The following PARG variants were observed in gnomAD, a reference collection of about 807,000 sequenced individuals.
PARG encodes mitochondrial poly(ADP-ribose) glycohydrolase.
PARG carries 35 observed loss-of-function variants against 113.0 expected under a neutral mutation model. The ratio of observed to expected loss-of-function variants is 0.31; its 90% CI spans 0.24 to 0.41. PARG has a LOEUF of 0.41. Ranked by LOEUF, PARG falls within the 10% of genes least tolerant of loss-of-function variation. PARG has a pLI of 1.00. For missense variants in PARG, 797 were observed against 1,169.4 expected (o/e 0.68, Z 4.64); for synonymous variants, 330 against 409.9 (o/e 0.81, Z 2.36).
rs2133034074 is a variant in PARG, at chr10:49,942,025, A to G, written c.-300T>C. On this transcript the variant is annotated 5_prime_UTR_variant, in exon 1 of 18. Transcript: ENST00000616448. ...GGCGCTTCCGGCTTCCGGGGCGCAC[A>G]CTGCCGCAAAGCGGAAGTGTGGCGC... is the stretch of plus-strand genomic sequence containing the variant. The G allele has an allele frequency of 9.6e-7, 1 of 1,041,814 alleles. No homozygotes were observed. The highest frequency in any genetic ancestry group is 2.6e-5 in the East Asian group (1 of 38,284). 64.5% of individuals were successfully genotyped at this position (1,041,814 alleles called of 1,614,324 possible).
chr10:49,831,459 G>A (rs1554830243), intron 16 of PARG, among the ~76,000 whole-genome samples: 3 of 152,140 alleles, frequency 2.0e-5, no homozygotes, highest in African/African-American at 7.2e-5. Flanking sequence ...TGGGTTCCTG[G>A]TAAAAGCTTC....
At chr10:49,924,953 G>A (rs2132918802) in intron 4 of PARG, among the ~76,000 whole-genome samples, 1 of 152,332 alleles carries the variant, frequency 6.6e-6, no homozygotes, top group Admixed American at 6.5e-5. Context: ...TGCATAGCAG[G>A]AGGTGAGCAA....
chr10:49,865,247 A>G (rs1312571742), intron 11 of PARG, 74 bp downstream of exon 11: 1 of 623,358 alleles, frequency 1.6e-6, no homozygotes, highest in Non-Finnish European at 2.9e-6. Flanking sequence ...GGTGCTATAA[A>G]ATAGAATCCT....
chr10:49,897,638 T>G (rs552514993), intron 7 of PARG, among the ~76,000 whole-genome samples: 1 of 152,320 alleles, frequency 6.6e-6, no homozygotes, highest in South Asian at 2.1e-4. Context: ...CTTCAAAGTA[T>G]CCTTGCAAGA....
At chr10:49,878,572 T>G (rs1847060346) in intron 9 of PARG, among the ~76,000 whole-genome samples, 1 of 141,114 alleles carries the variant, frequency 7.1e-6, no homozygotes, top group Non-Finnish European at 1.6e-5. Flanking sequence ...TGGCCAAGAT[T>G]GCACCACTGC....
rs535745626 is a variant in PARG, at chr10:49,824,712, C to T, written c.2648-4419G>A. On this transcript the variant is annotated intron_variant, in intron 16 of 17. Transcript: ENST00000616448. ...CTCTTATAGCATGCTGAACACTGTT[C>T]TAGGAGCTTTACAAATACTACCTCG... 3.3e-5 allele frequency among the ~76,000 whole-genome samples: 5 copies of T among 152,142 alleles called. No homozygotes were observed. The South Asian group carries it at 1.0e-3, about 32-fold the overall frequency.
At chr10:49,830,977 C>A (rs1307005779) in intron 16 of PARG, among the ~76,000 whole-genome samples, 1 of 152,108 alleles carries the variant, frequency 6.6e-6, no homozygotes, top group Non-Finnish European at 1.5e-5. Flanking sequence ...TACATATGTG[C>A]ATACAACAGA....
chr10:49,821,722 T>G (rs1223387676), intron 16 of PARG, among the ~76,000 whole-genome samples: 10 of 152,184 alleles, frequency 6.6e-5, no homozygotes, highest in Admixed American at 5.2e-4. Context: ...GACAGCATGT[T>G]AATATTCTAC....
chr10:49,908,258 A>G (rs1358255980), intron 7 of PARG, among the ~76,000 whole-genome samples: 1 of 152,216 alleles, frequency 6.6e-6, no homozygotes, highest in East Asian at 1.9e-4. Context: ...GAAATCATAA[A>G]TCATAAATAT....
At chr10:49,917,216 C>T (rs771815895) in intron 6 of PARG, among the ~76,000 whole-genome samples, 3 of 152,078 alleles carry the variant, frequency 2.0e-5, no homozygotes, top group Admixed American at 1.3e-4. Flanking sequence ...TTAGGCTGGA[C>T]GCAGTGGCTC....
At chr10:49,842,207 G>A (rs1172373967) in intron 14 of PARG, 149 bp from the exon 15 acceptor site, 1 of 615,714 alleles carries the variant, frequency 1.6e-6, no homozygotes, top group East Asian at 2.8e-5. Flanking sequence ...GGAAAGGAAA[G>A]GAAACACCCT....
rs11101244 is a variant in PARG at position 49,893,788 on chromosome 10, A to G, written c.1738-8493T>C. The stretch of plus-strand genomic sequence containing the variant: ...GGCTCACTGCAAGCTCCGCCTCCCA[A>G]GTTCACGCCATTCTCCTGCCTCAGG... On this transcript the variant is annotated intron_variant, in intron 7 of 17. Transcript: ENST00000616448. Among the ~76,000 whole-genome samples, 1,236 of 151,578 alleles carry G rather than the reference A, an allele frequency of 8.2e-3. 3 individuals carry two copies. The highest frequency in any genetic ancestry group is 0.022 in the African/African-American group (927 of 41,246).
At chr10:49,912,171 A>G (rs1837224054) in intron 7 of PARG, among the ~76,000 whole-genome samples, 2 of 151,998 alleles carry the variant, frequency 1.3e-5, no homozygotes, top group African/African-American at 4.8e-5. Flanking sequence ...GTGGTGGTGC[A>G]TGCCTGTAGT....
intron 8 of PARG, among the ~76,000 whole-genome samples, chr10:49,884,799 G>A (rs2132649640): frequency 7.0e-6 from 1 of 142,754 alleles, no homozygotes; most frequent in East Asian, 2.0e-4. Context: ...GAAGGAGTGG[G>A]TCGTATTAAG....
intron 7 of PARG, among the ~76,000 whole-genome samples, chr10:49,913,885 AGAGT>A (rs1554846929): frequency 6.6e-6 from 1 of 152,176 alleles, no homozygotes; most frequent in African/African-American, 2.4e-5. Flanking sequence ...CCTGGGTGAC[AGAGT>A]GAGACTCCAT....
intron 7 of PARG, among the ~76,000 whole-genome samples, chr10:49,893,340 G>A (rs1174961033): frequency 7.9e-5 from 12 of 152,082 alleles, no homozygotes; most frequent in African/African-American, 2.7e-4. Context: ...ATTTTTTAAT[G>A]TGCTTATTGG....
chr10:49,857,713 T>A (rs1826694853), intron 12 of PARG, among the ~76,000 whole-genome samples: 1 of 151,932 alleles, frequency 6.6e-6, no homozygotes, highest in Non-Finnish European at 1.5e-5. Context: ...ATATTATGTA[T>A]CATACAGACT....
chr10:49,820,993 C>T (rs1386893328), intron 16 of PARG, among the ~76,000 whole-genome samples: 2 of 152,116 alleles, frequency 1.3e-5, no homozygotes, highest in Non-Finnish European at 1.5e-5. Context: ...TGTATAGGCA[C>T]ATTTGGGAGG....
rs1471811114 is a variant in PARG at position 49,852,499 on chromosome 10, AATGAC to A, written c.2353+4802_2353+4806del. On this transcript the variant is annotated intron_variant, in intron 13 of 17. Transcript: ENST00000616448. ...ACATTCCTGTTTTATTCCCAAGGAA[AATGAC>A]ATCCTTTATTTACATTAACATTAAT... 4.6e-5 allele frequency among the ~76,000 whole-genome samples: 7 copies of A among 151,128 alleles called. No homozygotes were observed. In the South Asian group the frequency reaches 1.1e-3, roughly 23 times the overall value.
Sources: allele counts gnomAD v4.1 joint callset (sites outside exome capture counted in the v4.1 genomes callset), GRCh38; gene constraint gnomAD v4.1.1; transcripts MANE v1.5; gene names NCBI Gene and HGNC (gene_info 2026-07-23, HGNC 2026-07-21).